The following RIMBP2 variants were observed in gnomAD, a reference collection of about 807,000 sequenced individuals.
RIMBP2 encodes RIMS binding protein 2.
Under a neutral mutation model 118.6 loss-of-function variants are expected in RIMBP2, and 48 were observed. The ratio of observed to expected loss-of-function variants is 0.40; its 90% confidence interval spans 0.32 to 0.51. The LOEUF (loss-of-function observed/expected upper bound fraction) is 0.51, where lower values mean the gene tolerates loss of function less well. Ranked by LOEUF, RIMBP2 falls within the 20% of genes least tolerant of loss-of-function variation. RIMBP2 has a pLI of 0.41. For missense variants in RIMBP2, 1,551 were observed against 1,768.3 expected (o/e 0.88, Z 2.20); for synonymous variants, 762 against 742.9 (o/e 1.03, Z -0.42).
intron 1 of RIMBP2, among the ~76,000 whole-genome samples, chr12:130,699,919 A>AG (rs1170754943): frequency 6.8e-6 from 1 of 147,298 alleles, no homozygotes; most frequent in Non-Finnish European, 1.5e-5. Flanking sequence ...AAAAAAAAAA[A>AG]AAAAAAAAAA....
chr12:130,456,670 G>C lies in RIMBP2; in HGVS notation c.184C>G (p.Arg62Gly). The stretch of plus-strand genomic sequence containing the variant: ...AGGTTGAACTGCTCACTTTGAGTCC[G>C]GCATTTCTCTTCCAGCTCTCGAACC... ...SKVRELEEKC[R>G]TQSEQFNLLS... Residue 62 changes from arginine to glycine, a missense_variant, in exon 7 of 23, where the codon CGG (arginine) becomes GGG (glycine). Coordinates refer to ENST00000690449, the MANE Select transcript of RIMBP2 (RefSeq NM_001393629.1). 1 of 1,609,170 alleles carries C rather than the reference G, an allele frequency of 6.2e-7. No individual in the cohort carries two copies. Among genetic ancestry groups the C allele is most frequent in the Non-Finnish European group, 8.5e-7 (1 of 1,176,444 alleles).
intron 4 of RIMBP2, among the ~76,000 whole-genome samples, chr12:130,479,961 C>G (rs1290966516): frequency 6.6e-6 from 1 of 151,854 alleles, no homozygotes; most frequent in Non-Finnish European, 1.5e-5. Context: ...GGGACCCTGA[C>G]AGTGAGGACC....
At chr12:130,463,636 A>G (rs1025011180) in intron 6 of RIMBP2, among the ~76,000 whole-genome samples, 52 of 152,258 alleles carry the variant, frequency 3.4e-4, no homozygotes, top group African/African-American at 1.2e-3. Flanking sequence ...TAATCACTCC[A>G]GAATCATAGG....
chr12:130,396,581 T>C lies in RIMBP2; in HGVS notation c.*780A>G, dbSNP rs1163857465. On this transcript the variant is annotated 3_prime_UTR_variant, in exon 23 of 23. Coordinates refer to ENST00000690449, the MANE Select transcript of RIMBP2 (RefSeq NM_001393629.1). ...CCATTCATTGCTGTGTATTTGGGTA[T>C]GGCATTTTGACAACGAAAGTAACAG... 2 of 152,660 alleles carry C rather than the reference T, an allele frequency of 1.3e-5. No homozygotes were observed. Among genetic ancestry groups the C allele is most frequent in the Non-Finnish European group, 2.9e-5 (2 of 68,032 alleles). 9.5% of individuals were successfully genotyped at this position (152,660 alleles called of 1,614,324 possible). A position where few individuals can be genotyped will look rare whatever the true frequency, so the allele number is the denominator to read the frequency against.
intron 17 of RIMBP2, 84 bp from the exon 18 acceptor site, chr12:130,414,390 T>A: frequency 7.4e-7 from 1 of 1,360,230 alleles, no homozygotes; most frequent in South Asian, 1.4e-5. Context: ...TGGAAAGCAG[T>A]GAGGATGGCA....
intron 2 of RIMBP2, among the ~76,000 whole-genome samples, chr12:130,609,950 T>C (rs1472958912): frequency 1.3e-5 from 2 of 152,156 alleles, no homozygotes; most frequent in African/African-American, 4.8e-5. Flanking sequence ...GATGCCCTCA[T>C]ACATTTGTGA....
chr12:130,570,611 G>T (rs926876455), intron 2 of RIMBP2, among the ~76,000 whole-genome samples: 2 of 152,126 alleles, frequency 1.3e-5, no homozygotes, highest in African/African-American at 4.8e-5. Context: ...GCTCTGTGTG[G>T]CTGTGGACGA....
intron 1 of RIMBP2, among the ~76,000 whole-genome samples, chr12:130,714,328 C>T (rs975608752): frequency 3.9e-5 from 6 of 152,350 alleles, no homozygotes; most frequent in Non-Finnish European, 4.4e-5. Flanking sequence ...GCTCTCAGCC[C>T]GGCTGCACGC....
chr12:130,499,631 C>T (rs2049539587), intron 4 of RIMBP2, among the ~76,000 whole-genome samples: 1 of 152,196 alleles, frequency 6.6e-6, no homozygotes, highest in Non-Finnish European at 1.5e-5. Flanking sequence ...AGCAGGCATT[C>T]ACCCTCTGCC....
intron 8 of RIMBP2, 52 bp downstream of exon 8, chr12:130,451,143 C>T (rs543030117): frequency 6.3e-7 from 1 of 1,587,832 alleles, no homozygotes; most frequent in Non-Finnish European, 8.6e-7. Context: ...ACGTCCACAC[C>T]AGACACACAC....
At chr12:130,597,718 CATG>C (rs1425057493) in intron 2 of RIMBP2, among the ~76,000 whole-genome samples, 3 of 152,202 alleles carry the variant, frequency 2.0e-5, no homozygotes, top group African/African-American at 7.2e-5. Context: ...CACTCAGCAA[CATG>C]ATAAGAGAAA....
At chr12:130,637,808 C>T (rs145043814) in intron 1 of RIMBP2, among the ~76,000 whole-genome samples, 109 of 152,274 alleles carry the variant, frequency 7.2e-4, no homozygotes, top group African/African-American at 2.5e-3. Context: ...CCTTCCTGTA[C>T]AGCTCATGGG....
chr12:130,604,471 C>CCACT lies in RIMBP2; in HGVS notation c.-217+23847_-217+23850dup, dbSNP rs140093680. ...CATCCTACGCCTTCACATTCACTCT[C>CCACT]CACTCACTCACTCACTCACTCACTC... On this transcript the variant is annotated intron_variant, in intron 2 of 22. Transcript: ENST00000690449. 6.3e-3 allele frequency among the ~76,000 whole-genome samples: 839 copies of CCACT among 134,064 alleles called. 5 individuals are homozygous for CCACT. The highest frequency in any genetic ancestry group is 0.01 in the African/African-American group (369 of 35,330). The allele number at this position is 134,064 out of a possible 152,430, so 88.0% of individuals were successfully genotyped here. A position where few individuals can be genotyped will look rare whatever the true frequency, so the allele number is the denominator to read the frequency against.
rs2058089343 is a variant in RIMBP2 at position 130,576,452 on chromosome 12, T to G, written c.-217+51870A>C. Among the ~76,000 whole-genome samples, 1 of 152,124 alleles carries G rather than the reference T, an allele frequency of 6.6e-6. No homozygotes were observed. The highest frequency in any genetic ancestry group is 1.5e-5 in the Non-Finnish European group (1 of 68,010). Reference sequence around the variant, plus strand: ...GGCAGCTGGCAGGTGGCCAGCTGCATGCCGGCATCCAAGCTGTGCGGGCTA... The same window carrying G: ...GGCAGCTGGCAGGTGGCCAGCTGCAGGCCGGCATCCAAGCTGTGCGGGCTA... On this transcript the variant is annotated intron_variant, in intron 2 of 22. Coordinates refer to ENST00000690449, the MANE Select transcript of RIMBP2 (RefSeq NM_001393629.1). The surrounding 1 kb of genome is among the most constrained non-coding windows in gnomAD (Gnocchi z 4.2).
chr12:130,397,820 C>T (rs919481252), intron 22 of RIMBP2: 4 of 270,498 alleles, frequency 1.5e-5, no homozygotes, highest in Non-Finnish European at 2.7e-5. Flanking sequence ...GGTAATAATT[C>T]ACTTCATAAA....
chr12:130,689,705 C>T (rs1250690883), intron 1 of RIMBP2, among the ~76,000 whole-genome samples: 1 of 152,190 alleles, frequency 6.6e-6, no homozygotes, highest in Non-Finnish European at 1.5e-5. Context: ...CACAGAGATA[C>T]ACAGAACCAG....
At chr12:130,403,064 G>C (rs1341471732) in intron 21 of RIMBP2, among the ~76,000 whole-genome samples, 1 of 152,222 alleles carries the variant, frequency 6.6e-6, no homozygotes, top group East Asian at 1.9e-4. Flanking sequence ...GGATATAGCA[G>C]AACAGAGAAA....
At chr12:130,498,086 C>T (rs2049360938) in intron 4 of RIMBP2, among the ~76,000 whole-genome samples, 1 of 152,182 alleles carries the variant, frequency 6.6e-6, no homozygotes, top group Non-Finnish European at 1.5e-5. Flanking sequence ...GACTCCAGGC[C>T]TCCTGCTGCT....
At chr12:130,536,892 G>A (rs10848140) in intron 2 of RIMBP2, among the ~76,000 whole-genome samples, 4 of 152,156 alleles carry the variant, frequency 2.6e-5, no homozygotes, top group Non-Finnish European at 4.4e-5. Context: ...GCATGATGGG[G>A]AGGACACTTC....
Sources: allele counts gnomAD v4.1 joint callset (sites outside exome capture counted in the v4.1 genomes callset), GRCh38; gene constraint gnomAD v4.1.1; non-coding constraint Gnocchi (gnomAD v3.1); transcripts MANE v1.5; gene names NCBI Gene and HGNC (gene_info 2026-07-23, HGNC 2026-07-21).